ELMO1: variants seen among roughly 807,000 people sequenced by gnomAD.
ELMO1 encodes engulfment and cell motility 1.
Under a neutral mutation model 98.9 loss-of-function variants are expected in ELMO1, and 26 were observed. The ratio of observed to expected loss-of-function variants is 0.26; its 90% confidence interval spans 0.19 to 0.36. The LOEUF is 0.36. Ranked by LOEUF, ELMO1 falls within the 10% of genes least tolerant of loss-of-function variation. ELMO1 has a pLI of 1.00. For synonymous variants in ELMO1, 346 were observed against 346.0 expected, an observed-to-expected ratio of 1.00 and a Z score of 0.00; for missense variants, 627 against 935.2, an observed-to-expected ratio of 0.67 and a Z score of 4.30.
chr7:36,939,023 G>T (rs1256247324), intron 16 of ELMO1, among the ~76,000 whole-genome samples: 2 of 151,678 alleles, frequency 1.3e-5, no homozygotes, highest in Non-Finnish European at 2.9e-5. Context: ...GCAAGACCTT[G>T]TCTCTTAAAA....
intron 16 of ELMO1, among the ~76,000 whole-genome samples, chr7:36,999,042 A>G (rs1354477383): frequency 6.6e-6 from 1 of 152,128 alleles, no homozygotes. Context: ...TAACGGACAG[A>G]GCCCCAGAGC....
At chr7:36,928,076 A>G (rs1562831179) in intron 16 of ELMO1, among the ~76,000 whole-genome samples, 1 of 152,238 alleles carries the variant, frequency 6.6e-6, no homozygotes, top group Non-Finnish European at 1.5e-5. Flanking sequence ...TAAAAGGCAA[A>G]TGAGAGAAAA....
chr7:37,178,609 T>A (rs969031849), intron 13 of ELMO1, among the ~76,000 whole-genome samples: 8 of 45,374 alleles, frequency 1.8e-4, no homozygotes, highest in African/African-American at 2.5e-4. Context: ...CTCAAAAAAA[T>A]TTTTTTAATT....
intron 13 of ELMO1, among the ~76,000 whole-genome samples, chr7:37,202,310 G>A (rs1368190448): frequency 6.6e-6 from 1 of 152,176 alleles, no homozygotes; most frequent in Non-Finnish European, 1.5e-5. Context: ...GAGATGCTCT[G>A]TGGCAAAAAG....
intron 13 of ELMO1, among the ~76,000 whole-genome samples, chr7:37,202,778 G>C (rs190099980): frequency 1.3e-4 from 20 of 152,284 alleles, no homozygotes; most frequent in Non-Finnish European, 2.1e-4. Flanking sequence ...TATGGGGCCA[G>C]GCCATAGTGC....
chr7:37,385,369 CT>C (rs1802756874), intron 1 of ELMO1, among the ~76,000 whole-genome samples: 1 of 152,218 alleles, frequency 6.6e-6, no homozygotes, highest in African/African-American at 2.4e-5. Context: ...ACTGGCCCTG[CT>C]ATTCCCCAGC....
intron 16 of ELMO1, among the ~76,000 whole-genome samples, chr7:36,954,012 A>G (rs532566928): frequency 1.3e-5 from 2 of 152,260 alleles, no homozygotes; most frequent in Non-Finnish European, 2.9e-5. Flanking sequence ...GCTGGTTTTT[A>G]CTTTCAACTC....
chr7:37,223,378 C>T (rs1793702969), intron 9 of ELMO1, among the ~76,000 whole-genome samples: 1 of 152,172 alleles, frequency 6.6e-6, no homozygotes, highest in Admixed American at 6.5e-5. Flanking sequence ...GAGCTTAGAA[C>T]TAGGCCAGGA....
chr7:37,406,272 T>G (rs1803757654), intron 1 of ELMO1, among the ~76,000 whole-genome samples: 1 of 151,618 alleles, frequency 6.6e-6, no homozygotes, highest in South Asian at 2.1e-4. Context: ...CTTTTGTTTT[T>G]TTTTTTTCTC....
intron 16 of ELMO1, among the ~76,000 whole-genome samples, chr7:36,980,839 T>C (rs1790988818): frequency 6.6e-6 from 1 of 152,140 alleles, no homozygotes; most frequent in Non-Finnish European, 1.5e-5. Context: ...ACAAAGCAAT[T>C]CATCTTGCTC....
intron 13 of ELMO1, among the ~76,000 whole-genome samples, chr7:37,155,484 A>C (rs1283921102): frequency 7.2e-6 from 1 of 139,112 alleles, no homozygotes; most frequent in Non-Finnish European, 1.5e-5. Context: ...AGCAAACGGA[A>C]AGCAAAAAAA....
intron 13 of ELMO1, among the ~76,000 whole-genome samples, chr7:37,201,410 T>C (rs1792287259): frequency 6.6e-6 from 1 of 152,186 alleles, no homozygotes; most frequent in Non-Finnish European, 1.5e-5. Context: ...AAAGCAAAAA[T>C]TGCTTGCCCT....
At chr7:37,047,622 A>T (rs1361186507) in intron 15 of ELMO1, among the ~76,000 whole-genome samples, 1 of 152,244 alleles carries the variant, frequency 6.6e-6, no homozygotes, top group East Asian at 1.9e-4. Context: ...CGTTGGGCTT[A>T]TTCTAGTTAA....
At chr7:36,903,526 T>A (rs1172236282) in intron 16 of ELMO1, among the ~76,000 whole-genome samples, 1 of 152,238 alleles carries the variant, frequency 6.6e-6, no homozygotes, top group Non-Finnish European at 1.5e-5. Context: ...CTAAAATCAG[T>A]AGTTCTCAAC....
chr7:37,034,305 GAC>G (rs1220338084), intron 15 of ELMO1, among the ~76,000 whole-genome samples: 1 of 152,136 alleles, frequency 6.6e-6, no homozygotes, highest in African/African-American at 2.4e-5. Flanking sequence ...CCCATTTGAA[GAC>G]ACACGAGAAT....
intron 16 of ELMO1, among the ~76,000 whole-genome samples, chr7:36,974,117 G>A (rs1790268612): frequency 6.6e-6 from 1 of 152,248 alleles, no homozygotes; most frequent in African/African-American, 2.4e-5. Flanking sequence ...AAGGGCTGAG[G>A]AGTGTGGGCG....
intron 19 of ELMO1, among the ~76,000 whole-genome samples, chr7:36,874,984 A>C (rs1803829417): frequency 6.6e-6 from 1 of 152,230 alleles, no homozygotes; most frequent in African/African-American, 2.4e-5. Context: ...AAACTCCATT[A>C]TACTATTTGA....
Position 36,870,302 on chromosome 7 carries a change from A to T in ELMO1, c.1905+91T>A. The stretch of plus-strand genomic sequence containing the variant: ...TGTGTGTCTGAACACACGCACACAC[A>T]CGAACACTGCTATAAAGGAGGGCTA... On this transcript the variant is annotated intron_variant, in intron 20 of 21. Transcript: ENST00000310758. The surrounding 1 kb of genome is among the most constrained non-coding windows in gnomAD (Gnocchi z 4.4). 8.9e-7 allele frequency: 1 copy of T among 1,120,674 alleles called. No individual in the cohort carries two copies. Among genetic ancestry groups the T allele is most frequent in the Non-Finnish European group, 1.3e-6 (1 of 744,760 alleles). The allele number at this position is 1,120,674 out of a possible 1,614,324, so 69.4% of individuals were successfully genotyped here.
chr7:37,014,422 C>CT (rs912401045), intron 15 of ELMO1, among the ~76,000 whole-genome samples: 1 of 151,918 alleles, frequency 6.6e-6, no homozygotes, highest in Non-Finnish European at 1.5e-5. Flanking sequence ...TTTGGAATCT[C>CT]TTTTTTTAAA....
Sources: allele counts gnomAD v4.1 joint callset (sites outside exome capture counted in the v4.1 genomes callset), GRCh38; gene constraint gnomAD v4.1.1; non-coding constraint Gnocchi (gnomAD v3.1); transcripts MANE v1.5; gene names NCBI Gene and HGNC (gene_info 2026-07-23, HGNC 2026-07-21).